The following TJP1 variants were observed in gnomAD, a reference collection of about 807,000 sequenced individuals.
TJP1 encodes tight junction protein ZO-1.
Under a neutral mutation model 194.2 loss-of-function variants are expected in TJP1, and 43 were observed. The ratio of observed to expected loss-of-function variants is 0.22; its 90% CI spans 0.17 to 0.29. TJP1 has a LOEUF of 0.29. Among genes scored for constraint, TJP1 ranks in the 10% least tolerant of loss-of-function variants. The pLI is 1.00. For synonymous variants in TJP1, 801 were observed against 779.0 expected (o/e 1.03, Z -0.47); for missense variants, 1,971 against 2,185.7 (o/e 0.90, Z 1.96).
chr15:29,966,243 C>T (rs2056329043), intron 1 of TJP1, among the ~76,000 whole-genome samples: 1 of 152,202 alleles, frequency 6.6e-6, no homozygotes, highest in South Asian at 2.1e-4. Flanking sequence ...TGGCTCACAC[C>T]TGTAATCCCA....
chr15:29,949,931 A>T (rs1335587751), intron 2 of TJP1, among the ~76,000 whole-genome samples: 2 of 47,448 alleles, frequency 4.2e-5, no homozygotes, highest in Non-Finnish European at 6.5e-5. Flanking sequence ...CTTCACCACC[A>T]CCACCACCTC....
chr15:29,956,891 G>GT (rs59530998), intron 1 of TJP1, among the ~76,000 whole-genome samples: 8 of 151,268 alleles, frequency 5.3e-5, no homozygotes, highest in South Asian at 4.2e-4. Context: ...CATTTATAAG[G>GT]TTTTTTTTTA....
intron 1 of TJP1, among the ~76,000 whole-genome samples, chr15:29,807,723 A>T (rs1179245003): frequency 6.6e-6 from 1 of 152,240 alleles, no homozygotes; most frequent in East Asian, 1.9e-4. Flanking sequence ...CAGATGGAGA[A>T]TGTAACCACA....
intron 13 of TJP1, 78 bp from the exon 14 acceptor site, chr15:29,732,893 T>C (rs1595680122): frequency 3.6e-6 from 5 of 1,374,560 alleles, no homozygotes; most frequent in East Asian, 4.8e-5. Flanking sequence ...AAATGAAATA[T>C]ACAATACTGG....
Position 29,704,229 on chromosome 15 carries a change from T to C in TJP1, c.5145A>G (p.Leu1715=), listed in dbSNP as rs1270581945. The C allele has an allele frequency of 1.3e-6, 2 of 1,594,546 alleles. No homozygotes were observed. The highest frequency in any genetic ancestry group is 2.7e-5 in the African/African-American group (2 of 74,914). ...LKFLKPVELR[L]PHCASMTPDG... is the part of the protein sequence containing the mutation. ...CAGGAGTCATGGACGCACAGTGTGG[T>C]AAGCGCAGCTCCACAGGCTTCAGGA... is the stretch of plus-strand genomic sequence containing the variant. The change falls in exon 27 of 28, where the codon TTA becomes TTG. Residue 1715 remains leucine, a synonymous_variant. Transcript: ENST00000614355.
chr15:29,964,419 AGAG>A (rs1022085837), intron 1 of TJP1, among the ~76,000 whole-genome samples: 5 of 142,684 alleles, frequency 3.5e-5, no homozygotes, highest in Non-Finnish European at 6.2e-5. Context: ...TTTTAAAAAA[AGAG>A]AGACAGGAGA....
At chr15:29,749,187 A>C (rs1258735936) in intron 8 of TJP1, among the ~76,000 whole-genome samples, 2 of 151,828 alleles carry the variant, frequency 1.3e-5, no homozygotes, top group Admixed American at 6.6e-5. Context: ...TATTAATCTA[A>C]AGGTAATGAC....
intron 2 of TJP1, among the ~76,000 whole-genome samples, chr15:29,949,529 ACCT>A (rs1343022172): frequency 6.3e-5 from 8 of 126,480 alleles, no homozygotes; most frequent in Admixed American, 1.7e-4. Context: ...CACCACCACC[ACCT>A]CCACCACCAC....
In TJP1 at chr15:29,708,853, G is replaced by C; in HGVS notation, c.4556C>G (p.Thr1519Arg). The C allele has an allele frequency of 6.2e-7, 1 of 1,614,156 alleles. No individual in the cohort carries two copies. Among genetic ancestry groups the C allele is most frequent in the African/African-American group, 1.3e-5 (1 of 75,042 alleles). The change falls in exon 25 of 28, where the codon ACA becomes AGA. Residue 1519 changes from threonine to arginine, a missense_variant. By Grantham distance (71) the Thr-to-Arg change is moderately conservative (BLOSUM62 -1). Around this residue, in one of 5 missense-constraint regions of TJP1, gnomAD observed 1,108 missense variants for 1,128.5 expected, o/e 0.98. Coordinates refer to ENST00000614355, the MANE Select transcript of TJP1 (RefSeq NM_001330239.4). Reference protein sequence around the residue: ...PVNGTEQTQKTVTPAYNRFTP... With the variant: ...PVNGTEQTQKRVTPAYNRFTP... ...GAATCGATTGTATGCTGGAGTGACT[G>C]TTTTCTGAGTCTGTTCAGTTCCATT... is the stretch of plus-strand genomic sequence containing the variant.
intron 2 of TJP1, among the ~76,000 whole-genome samples, chr15:29,930,089 T>G (rs1156574614): frequency 2.0e-5 from 3 of 152,078 alleles, no homozygotes; most frequent in African/African-American, 7.2e-5. Context: ...TAAAAACCTA[T>G]TCCCTCAAAA....
rs531496764 is a variant in TJP1, at chr15:29,800,983, C to T, written c.28-281G>A. 3.9e-5 allele frequency among the ~76,000 whole-genome samples: 6 copies of T among 152,264 alleles called. No individual in the cohort carries two copies. The South Asian group carries it at 1.0e-3, about 26-fold the overall frequency. The stretch of plus-strand genomic sequence containing the variant: ...ATCAGTATTCAAGCTAATTCTGCAA[C>T]TTTATACTTAGAAAAGAATAAAAGT... On this transcript the variant is annotated intron_variant, in intron 1 of 27. Coordinates refer to ENST00000614355, the MANE Select transcript of TJP1 (RefSeq NM_001330239.4).
chr15:29,961,253 T>C (rs1277113123), intron 1 of TJP1, among the ~76,000 whole-genome samples: 1 of 152,182 alleles, frequency 6.6e-6, no homozygotes, highest in African/African-American at 2.4e-5. Flanking sequence ...GGAATGGCCC[T>C]TTATGACAGG....
rs191127127 is a variant in TJP1, at chr15:29,933,558, G to A, written c.306+22674C>T. On this transcript the variant is annotated intron_variant, in intron 2 of 28. Transcript: ENST00000356107. Reference sequence around the variant, plus strand: ...AACATATTTAACAATTGAGAGAGACGGCTGTGGAGTAAACGTCTGATTACA... The same window carrying A: ...AACATATTTAACAATTGAGAGAGACAGCTGTGGAGTAAACGTCTGATTACA... Among the ~76,000 whole-genome samples, 619 of 152,076 alleles carry A rather than the reference G, an allele frequency of 4.1e-3. 3 individuals carry two copies. The highest frequency in any genetic ancestry group is 0.014 in the African/African-American group (585 of 41,464).
chr15:29,841,567 A>G (rs901662532), intron 2 of TJP1, among the ~76,000 whole-genome samples: 1 of 152,164 alleles, frequency 6.6e-6, no homozygotes, highest in African/African-American at 2.4e-5. Context: ...GCCCTCAATT[A>G]GTCTGATTTA....
chr15:29,858,497 G>C (rs1006648156), intron 2 of TJP1, among the ~76,000 whole-genome samples: 15 of 152,168 alleles, frequency 9.9e-5, no homozygotes, highest in African/African-American at 3.4e-4. Flanking sequence ...ACTGTTTAAG[G>C]CCATGTGGAT....
At chr15:29,910,269 T>C (rs994929875) in intron 2 of TJP1, among the ~76,000 whole-genome samples, 5 of 152,246 alleles carry the variant, frequency 3.3e-5, no homozygotes, top group Non-Finnish European at 5.9e-5. Context: ...CTATGTACAC[T>C]CACTTTCTCC....
intron 2 of TJP1, among the ~76,000 whole-genome samples, chr15:29,931,361 T>C (rs1297950501): frequency 6.6e-6 from 1 of 152,042 alleles, no homozygotes; most frequent in Non-Finnish European, 1.5e-5. Flanking sequence ...GGTTCAAGGG[T>C]CAACTGTAAG....
At chr15:29,757,177 T>G (rs2045695544) in intron 8 of TJP1, among the ~76,000 whole-genome samples, 1 of 152,184 alleles carries the variant, frequency 6.6e-6, no homozygotes, top group Non-Finnish European at 1.5e-5. Flanking sequence ...ATTCACTATA[T>G]TCTATCACTT....
Position 29,718,352 on chromosome 15 carries a change from C to T in TJP1, c.3790G>A (p.Val1264Ile). The T allele has an allele frequency of 6.2e-7, 1 of 1,614,130 alleles. No homozygotes were observed. Among genetic ancestry groups the T allele is most frequent in the Non-Finnish European group, 8.5e-7 (1 of 1,180,020 alleles). ...TCAAACATCTTAACTCTGGTGAGTA[C>T]AGACTGTGGCTTCATTGCTGGATCT... ...EEDPAMKPQS[V>I]LTRVKMFENK... The change falls in exon 21 of 28, where the codon GTA becomes ATA. Residue 1264 changes from valine to isoleucine, a missense_variant. This residue lies in a region of TJP1 where 1,108 missense variants were observed against 1,128.5 expected (regional missense o/e 0.98). Transcript: ENST00000614355.
Sources: gnomAD v4.1 joint callset for allele counts (sites outside exome capture counted in the v4.1 genomes callset) on GRCh38, gnomAD v4.1.1 for gene constraint, gnomAD v4.1.1 regional missense constraint, MANE v1.5 for transcripts, NCBI Gene and HGNC (gene_info 2026-07-23, HGNC 2026-07-21) for gene names.